DHRSX: variants seen among roughly 807,000 people sequenced by gnomAD.
DHRSX encodes polyprenol dehydrogenase.
In DHRSX, 31 loss-of-function variants were observed where a neutral mutation model predicts 34.0. That is an observed-to-expected ratio of 0.91 (90% CI 0.69 to 1.23). The LOEUF is 1.23. Ranked by LOEUF, DHRSX falls within the 50% of genes most tolerant of loss-of-function variation. The probability of loss-of-function intolerance (pLI) is 0.00; values close to 1 mark genes in which losing one functional copy is unlikely to be tolerated. For synonymous variants in DHRSX, 201 were observed against 183.8 expected (o/e 1.09, Z -0.76); for missense variants, 414 against 428.1 (o/e 0.97, Z 0.29).
At chrX:2,305,154 T>C (rs761030263) in intron 3 of DHRSX, among the ~76,000 whole-genome samples, 3 of 150,126 alleles carry the variant, frequency 2.0e-5, no homozygotes, top group Non-Finnish European at 4.4e-5. Context: ...TGCTTAACAA[T>C]GAGAACACAT....
chrX:2,466,570 G>A (rs1301785676), intron 1 of DHRSX, among the ~76,000 whole-genome samples: 3 of 152,182 alleles, frequency 2.0e-5, no homozygotes, highest in East Asian at 1.9e-4. Flanking sequence ...ACTCATAAAC[G>A]GCAGCTAAAC....
At chrX:2,378,892 G>A (rs1292931279) in intron 3 of DHRSX, among the ~76,000 whole-genome samples, 3 of 151,994 alleles carry the variant, frequency 2.0e-5, no homozygotes, top group South Asian at 4.2e-4. Flanking sequence ...GGCTGGTCAC[G>A]AACTCCCAAC....
chrX:2,319,223 CT>C (rs1279743324), intron 3 of DHRSX, among the ~76,000 whole-genome samples: 18 of 137,120 alleles, frequency 1.3e-4, no homozygotes, highest in Admixed American at 3.7e-4. Context: ...TCCTCCCCCC[CT>C]CCCTTCTCCT....
chrX:2,465,340 G>A (rs891607313), intron 1 of DHRSX, among the ~76,000 whole-genome samples: 10 of 152,230 alleles, frequency 6.6e-5, no homozygotes, highest in African/African-American at 2.4e-4. Flanking sequence ...AGACATAACA[G>A]GATCTAATCG....
intron 3 of DHRSX, among the ~76,000 whole-genome samples, chrX:2,351,213 G>A (rs185518521): frequency 1.3e-5 from 2 of 152,126 alleles, no homozygotes; most frequent in Admixed American, 6.6e-5. Context: ...GAACCTGCAC[G>A]TTCTGCACAT....
chrX:2,258,779 C>G (rs975095779), intron 5 of DHRSX, among the ~76,000 whole-genome samples: 1 of 152,214 alleles, frequency 6.6e-6, no homozygotes, highest in Admixed American at 6.5e-5. Context: ...GTGCCGTCAA[C>G]GAAGAACAGT....
intron 1 of DHRSX, chrX:2,487,708 G>A (rs754151921): frequency 2.0e-5 from 3 of 152,130 alleles, no homozygotes; most frequent in Admixed American, 6.5e-5. Flanking sequence ...GCAACCTGTC[G>A]AAAATACAAC....
At chrX:2,254,252 A>G (rs2041245480) in intron 5 of DHRSX, among the ~76,000 whole-genome samples, 1 of 152,184 alleles carries the variant, frequency 6.6e-6, no homozygotes, top group Admixed American at 6.5e-5. Flanking sequence ...AGGACAACTG[A>G]GTTTTTATGT....
chrX:2,385,441 C>T (rs775463813), intron 3 of DHRSX, among the ~76,000 whole-genome samples: 1 of 150,656 alleles, frequency 6.6e-6, no homozygotes, highest in African/African-American at 2.4e-5. Context: ...CAGCAGGCAT[C>T]ACTAATTGAT....
chrX:2,475,360 A>C (rs34553929), intron 1 of DHRSX, among the ~76,000 whole-genome samples: 24,834 of 140,046 alleles, frequency 0.18, 2,821 homozygotes, highest in African/African-American at 0.34. Flanking sequence ...GGGAATGCCG[A>C]CATGTACACA....
intron 1 of DHRSX, among the ~76,000 whole-genome samples, chrX:2,484,693 G>A (rs1318017): frequency 6.6e-6 from 1 of 152,216 alleles, no homozygotes; most frequent in South Asian, 2.1e-4. Context: ...CCCACGATTT[G>A]ACGGAGCAGA....
Position 2,379,595 on chromosome X carries a change from G to GTTTTT in DHRSX, c.286+29145_286+29149dup, listed in dbSNP as rs749144665. Among the ~76,000 whole-genome samples, 125 of 103,898 alleles carry GTTTTT rather than the reference G, an allele frequency of 1.2e-3. 3 individuals are homozygous for GTTTTT. Among genetic ancestry groups the GTTTTT allele is most frequent in the South Asian group, 4.0e-3 (11 of 2,722 alleles). 68.2% of individuals were successfully genotyped at this position (103,898 alleles called of 152,430 possible). A position where few individuals can be genotyped will look rare whatever the true frequency, so the allele number is the denominator to read the frequency against. On this transcript the variant is annotated intron_variant, in intron 3 of 6. Transcript: ENST00000334651. ...AGCGACCTGTGGGCTGGCAGTGGAG[G>GTTTTT]TTTTTTTTTTTTTTTTTTTTTTTTA...
At chrX:2,330,603 GGGAGAA>G (rs780170495) in intron 3 of DHRSX, among the ~76,000 whole-genome samples, 176 of 148,654 alleles carry the variant, frequency 1.2e-3, no homozygotes, top group African/African-American at 3.9e-3. Flanking sequence ...GGGAAGGAAA[GGGAGAA>G]GGAGAAGGAG....
At chrX:2,452,313 A>T (rs1359105179) in intron 1 of DHRSX, among the ~76,000 whole-genome samples, 1 of 151,788 alleles carries the variant, frequency 6.6e-6, no homozygotes, top group African/African-American at 2.4e-5. Flanking sequence ...GACGTTCCCT[A>T]AGAATGCAGC....
intron 3 of DHRSX, among the ~76,000 whole-genome samples, chrX:2,321,829 C>T (rs1204015139): frequency 1.3e-5 from 2 of 152,030 alleles, no homozygotes; most frequent in African/African-American, 4.8e-5. Context: ...AAGACCAATC[C>T]CTCCTGTCCG....
intron 5 of DHRSX, among the ~76,000 whole-genome samples, chrX:2,255,473 A>T (rs1452854121): frequency 6.6e-6 from 1 of 152,234 alleles, no homozygotes; most frequent in African/African-American, 2.4e-5. Flanking sequence ...TTAGGAATAA[A>T]ATAATGAAGA....
intron 1 of DHRSX, among the ~76,000 whole-genome samples, chrX:2,485,115 C>G (rs1309642175): frequency 1.3e-5 from 2 of 152,136 alleles, no homozygotes; most frequent in African/African-American, 2.4e-5. Context: ...AGCGTGAAAA[C>G]AAAACCGAAC....
intron 3 of DHRSX, among the ~76,000 whole-genome samples, chrX:2,298,612 A>ACACACACACACACACACACACG (rs931301752): frequency 1.7e-5 from 1 of 57,208 alleles, no homozygotes; most frequent in African/African-American, 5.2e-5. Context: ...ACACACACAC[A>ACACACACACACACACACACACG]CACACACACA....
chrX:2,265,148 G>A (rs1366295800), intron 5 of DHRSX, among the ~76,000 whole-genome samples: 1 of 138,916 alleles, frequency 7.2e-6, no homozygotes, highest in Admixed American at 7.0e-5. Context: ...ACTGTCCCCA[G>A]AGCACCAGTG....
Sources: allele counts gnomAD v4.1 joint callset (sites outside exome capture counted in the v4.1 genomes callset), GRCh38; gene constraint gnomAD v4.1.1; transcripts MANE v1.5; gene names NCBI Gene and HGNC (gene_info 2026-07-23, HGNC 2026-07-21).